Variants in ARHGAP15 observed in about 807,000 individuals in gnomAD.
ARHGAP15 encodes Rho GTPase activating protein 15.
ARHGAP15 carries 51 observed loss-of-function variants against 63.7 expected under a neutral mutation model. The ratio of observed to expected loss-of-function variants is 0.80; its 90% CI spans 0.64 to 1.01. The LOEUF (loss-of-function observed/expected upper bound fraction) is 1.01. Among genes scored for constraint, ARHGAP15 ranks in the 50% least tolerant of loss-of-function variants. The pLI, the probability that ARHGAP15 is intolerant of heterozygous loss-of-function variation, is 0.00. For missense variants in ARHGAP15, 560 were observed against 564.6 expected (o/e 0.99, Z 0.08); for synonymous variants, 191 against 193.8 (o/e 0.99, Z 0.12).
intron 11 of ARHGAP15, among the ~76,000 whole-genome samples, chr2:143,575,318 C>T (rs553357987): frequency 2.1e-4 from 32 of 152,242 alleles, no homozygotes; most frequent in Admixed American, 1.0e-3. Flanking sequence ...GGGACCAAGA[C>T]CTTTATATGC....
chr2:143,405,101 T>TTAAC (rs1688141586), intron 6 of ARHGAP15, among the ~76,000 whole-genome samples: 1 of 151,790 alleles, frequency 6.6e-6, no homozygotes, highest in South Asian at 2.1e-4. Context: ...AATGACAGAG[T>TTAAC]TAACCCTTGC....
At chr2:143,153,023 ATG>A (rs1689889558) in intron 1 of ARHGAP15, among the ~76,000 whole-genome samples, 1 of 152,004 alleles carries the variant, frequency 6.6e-6, no homozygotes, top group Non-Finnish European at 1.5e-5. Context: ...AGGCTTTGTA[ATG>A]AATCCAGCCT....
intron 4 of ARHGAP15, 81 bp downstream of exon 4, chr2:143,216,526 G>T (rs1692764123): frequency 2.0e-6 from 2 of 1,022,158 alleles, no homozygotes; most frequent in Admixed American, 2.0e-5. Context: ...TATTGTTTGG[G>T]ATGCAAGTCC....
chr2:143,289,498 A>G (rs1682282575), intron 6 of ARHGAP15, among the ~76,000 whole-genome samples: 1 of 152,216 alleles, frequency 6.6e-6, no homozygotes. Flanking sequence ...TGTCTGTTCG[A>G]TGAATTTCAA....
chr2:143,509,962 G>A (rs1693503675), intron 9 of ARHGAP15, among the ~76,000 whole-genome samples: 1 of 136,554 alleles, frequency 7.3e-6, no homozygotes, highest in African/African-American at 2.7e-5. Context: ...CAGAGGTGTA[G>A]TGAGCCGAGA....
At chr2:143,339,594 G>C (rs1684964105) in intron 6 of ARHGAP15, among the ~76,000 whole-genome samples, 2 of 152,022 alleles carry the variant, frequency 1.3e-5, no homozygotes, top group African/African-American at 4.8e-5. Flanking sequence ...TGGCAGCGAG[G>C]CCACCAAAAG....
At chr2:143,143,762 CTT>C (rs879776584) in intron 1 of ARHGAP15, among the ~76,000 whole-genome samples, 3 of 145,574 alleles carry the variant, frequency 2.1e-5, no homozygotes, top group Admixed American at 6.9e-5. Flanking sequence ...TTCCCATACA[CTT>C]TTTTTTTTTT....
intron 2 of ARHGAP15, among the ~76,000 whole-genome samples, chr2:143,190,936 G>T (rs1691663674): frequency 1.3e-5 from 2 of 152,066 alleles, no homozygotes; most frequent in South Asian, 4.1e-4. Context: ...ATGCCCAGCT[G>T]ATTTTTGTAT....
intron 6 of ARHGAP15, among the ~76,000 whole-genome samples, chr2:143,430,956 A>T (rs888544483): frequency 6.6e-6 from 1 of 152,024 alleles, no homozygotes; most frequent in African/African-American, 2.4e-5. Flanking sequence ...TCAAAATGCG[A>T]AAGGTATTTG....
chr2:143,328,995 A>T (rs931979811), intron 6 of ARHGAP15, among the ~76,000 whole-genome samples: 2 of 152,204 alleles, frequency 1.3e-5, no homozygotes, highest in Non-Finnish European at 2.9e-5. Context: ...TAAGTTTTTT[A>T]AAAAGTGACA....
intron 2 of ARHGAP15, among the ~76,000 whole-genome samples, chr2:143,194,021 T>C (rs187644601): frequency 4.2e-4 from 64 of 152,350 alleles, no homozygotes; most frequent in Admixed American, 3.4e-3. Context: ...TGTTAAGAAT[T>C]TCCAGACAGT....
intron 1 of ARHGAP15, among the ~76,000 whole-genome samples, chr2:143,145,268 C>T (rs970402947): frequency 1.3e-5 from 2 of 152,018 alleles, no homozygotes; most frequent in African/African-American, 4.8e-5. Context: ...ATCTTTTGGT[C>T]TGGGCTTGTG....
rs530300047 is a variant in ARHGAP15, at chr2:143,271,484, TTTGC to T, written c.474+20888_474+20891del. Among the ~76,000 whole-genome samples the T allele has an allele frequency of 2.6e-5, 4 of 152,368 alleles. No homozygotes were observed. In the South Asian group the frequency reaches 6.2e-4, roughly 24 times the overall value. Reference sequence around the variant, plus strand: ...GTTGTTGTTTGGTTTTGTTTGTTTGTTTGCTTGTTGAGACGGAGTCTCGCTCTGT... The same window carrying T: ...GTTGTTGTTTGGTTTTGTTTGTTTGTTTGTTGAGACGGAGTCTCGCTCTGT... On this transcript the variant is annotated intron_variant, in intron 6 of 13. Coordinates refer to ENST00000295095, the MANE Select transcript of ARHGAP15 (RefSeq NM_018460.4).
intron 6 of ARHGAP15, among the ~76,000 whole-genome samples, chr2:143,390,532 A>G (rs1650389292): frequency 6.6e-6 from 1 of 152,154 alleles, no homozygotes; most frequent in African/African-American, 2.4e-5. Context: ...TGAAGTGATG[A>G]AGATGTGCAC....
intron 11 of ARHGAP15, among the ~76,000 whole-genome samples, chr2:143,561,258 T>A (rs1192867127): frequency 1.3e-5 from 2 of 152,154 alleles, no homozygotes; most frequent in Non-Finnish European, 2.9e-5. Context: ...ACTCACTTGG[T>A]ATTATTTAGA....
At chr2:143,259,723 G>A (rs1264384274) in intron 6 of ARHGAP15, among the ~76,000 whole-genome samples, 1 of 152,076 alleles carries the variant, frequency 6.6e-6, no homozygotes, top group Non-Finnish European at 1.5e-5. Context: ...CTTTCTCCCT[G>A]TCTTGTCGTG....
chr2:143,318,148 G>A (rs1683811384), intron 6 of ARHGAP15, among the ~76,000 whole-genome samples: 1 of 151,736 alleles, frequency 6.6e-6, no homozygotes, highest in Non-Finnish European at 1.5e-5. Context: ...ACAGGCACGT[G>A]GCACCACACC....
intron 6 of ARHGAP15, among the ~76,000 whole-genome samples, chr2:143,339,236 G>A (rs1458503215): frequency 1.3e-5 from 2 of 152,086 alleles, no homozygotes; most frequent in Non-Finnish European, 2.9e-5. Flanking sequence ...TAGGATGTGT[G>A]ACCTTGGTGG....
chr2:143,544,134 A>G (rs1028435154), intron 10 of ARHGAP15, among the ~76,000 whole-genome samples: 1 of 152,172 alleles, frequency 6.6e-6, no homozygotes, highest in Non-Finnish European at 1.5e-5. Context: ...GCTCTATTCC[A>G]GATACCTTAT....
Sources: gnomAD v4.1 joint callset for allele counts (sites outside exome capture counted in the v4.1 genomes callset) on GRCh38, gnomAD v4.1.1 for gene constraint, MANE v1.5 for transcripts, NCBI Gene and HGNC (gene_info 2026-07-23, HGNC 2026-07-21) for gene names.